ATAD1: variants seen among roughly 807,000 people sequenced by gnomAD.
ATAD1 encodes ATPase family AAA domain containing 1.
In ATAD1, 18 loss-of-function variants were observed where a neutral mutation model predicts 42.7. The ratio of observed to expected loss-of-function variants is 0.42; its 90% CI spans 0.29 to 0.63. ATAD1 has a LOEUF of 0.63. ATAD1 is among the 20% of genes least tolerant of loss of function. ATAD1 has a pLI of 0.19. For synonymous variants in ATAD1, 132 were observed against 143.1 expected (o/e 0.92, Z 0.55); for missense variants, 294 against 440.4 (o/e 0.67, Z 2.98).
In ATAD1 at chr10:87,754,146, A is replaced by G. The variant is rs190026760; in HGVS notation, c.*541T>C. 1.3e-5 allele frequency: 2 copies of G among 152,778 alleles called. No homozygotes were observed. Among genetic ancestry groups the G allele is most frequent in the East Asian group, 3.9e-4 (2 of 5,192 alleles). 9.5% of individuals were successfully genotyped at this position (152,778 alleles called of 1,614,324 possible). ...AATGACAAATGGAAATGGCTGAATC[A>G]CTGTACCTTTTTGACACAACCTTAA... On this transcript the variant is annotated 3_prime_UTR_variant, in exon 10 of 10. Transcript: ENST00000680024.
chr10:87,787,774 T>A (rs1254944265), intron 4 of ATAD1, among the ~76,000 whole-genome samples: 1 of 152,204 alleles, frequency 6.6e-6, no homozygotes. Context: ...AAAATACACA[T>A]CTATATAAAT....
chr10:87,776,636 T>C (rs1228118761), intron 5 of ATAD1, among the ~76,000 whole-genome samples: 7 of 149,902 alleles, frequency 4.7e-5, no homozygotes, highest in Non-Finnish European at 3.0e-5. Context: ...GCGGAGCTAA[T>C]TTTTTTTTTA....
At chr10:87,787,542 C>T (rs1434721267) in intron 4 of ATAD1, among the ~76,000 whole-genome samples, 1 of 152,076 alleles carries the variant, frequency 6.6e-6, no homozygotes, top group African/African-American at 2.4e-5. Context: ...TCATTTGAGC[C>T]CAGGAGGCTG....
At chr10:87,824,092 A>C (rs1857680913) in intron 1 of ATAD1, among the ~76,000 whole-genome samples, 1 of 152,190 alleles carries the variant, frequency 6.6e-6, no homozygotes. Context: ...TTATTCTCCT[A>C]TAATATATTA....
chr10:87,781,954 T>C (rs200766763), intron 5 of ATAD1, among the ~76,000 whole-genome samples: 1 of 52,370 alleles, frequency 1.9e-5, no homozygotes, highest in Non-Finnish European at 3.4e-5. Context: ...CTGAGAATTG[T>C]TTTTTTTTTT....
chr10:87,766,854 G>A (rs968470686), intron 8 of ATAD1, among the ~76,000 whole-genome samples: 6 of 151,232 alleles, frequency 4.0e-5, no homozygotes, highest in African/African-American at 1.5e-4. Context: ...CAGGAAAAAA[G>A]AGAAGATTTT....
At chr10:87,777,554 T>C (rs1030319128) in intron 5 of ATAD1, among the ~76,000 whole-genome samples, 37 of 152,034 alleles carry the variant, frequency 2.4e-4, no homozygotes, top group Admixed American at 1.3e-4. Context: ...AAAACAATTT[T>C]ATTTTAGAAT....
At chr10:87,810,817 G>T (rs1857143275) in intron 2 of ATAD1, among the ~76,000 whole-genome samples, 1 of 152,056 alleles carries the variant, frequency 6.6e-6, no homozygotes, top group Non-Finnish European at 1.5e-5. Context: ...ACTACAGATA[G>T]CCTTTTGGGG....
intron 2 of ATAD1, among the ~76,000 whole-genome samples, chr10:87,798,752 T>A (rs1856537953): frequency 6.6e-6 from 1 of 152,134 alleles, no homozygotes; most frequent in Non-Finnish European, 1.5e-5. Flanking sequence ...TTTCTTTCCA[T>A]ACTTTATGGT....
rs189457596 is a variant in ATAD1, at chr10:87,814,574, C to T, written c.26G>A (p.Arg9His). MVHAEAFS[R>H]PLSRNEVVGL... Reference sequence around the variant, plus strand: ...AACAACTTCATTCCGACTCAAAGGACGAGAAAAGGCTTCAGCATGTACCAT... The same window carrying T: ...AACAACTTCATTCCGACTCAAAGGATGAGAAAAGGCTTCAGCATGTACCAT... Residue 9 changes from arginine (R) to histidine (H), a missense_variant, in exon 2 of 10, where the codon CGT (arginine) becomes CAT (histidine). By Grantham distance (29) the Arg-to-His change is conservative. This residue lies in a region of ATAD1 where 121 missense variants were observed against 187.3 expected (regional missense o/e 0.65). Transcript: ENST00000680024. 4.1e-5 allele frequency: 66 copies of T among 1,609,812 alleles called. No homozygotes were observed. The highest frequency in any genetic ancestry group is 2.2e-4 in the East Asian group (10 of 44,616).
chr10:87,823,194 G>A (rs1475496888), upstream of ATAD1, among the ~76,000 whole-genome samples: 5 of 151,650 alleles, frequency 3.3e-5, no homozygotes. Flanking sequence ...TTAAATGAGT[G>A]TATATAAAAA....
chr10:87,839,015 A>G (rs548273801), intron 1 of ATAD1, among the ~76,000 whole-genome samples: 5 of 152,276 alleles, frequency 3.3e-5, no homozygotes, highest in African/African-American at 4.8e-5. Context: ...CAATTCAGTC[A>G]CTACTTTTCT....
At chr10:87,786,797 T>A (rs778164538) in intron 4 of ATAD1, among the ~76,000 whole-genome samples, 1 of 151,732 alleles carries the variant, frequency 6.6e-6, no homozygotes, top group Admixed American at 6.6e-5. Context: ...TCTACCAAAA[T>A]ATAAAAAATT....
At position 87,817,798 on chromosome 10, in the gene ATAD1, G is replaced by A. The variant is rs535800360; in HGVS notation, c.-14+369C>T. The A allele has an allele frequency of 6.9e-5, 68 of 985,454 alleles. No individual in the cohort carries two copies. The African/African-American group carries it at 1.1e-3, about 16-fold the overall frequency. The allele number at this position is 985,454 out of a possible 1,614,324, so 61.0% of individuals were successfully genotyped here. On this transcript the variant is annotated intron_variant, in intron 1 of 9. Transcript: ENST00000680024. ...CGCGCCTGTGCGACAATCAGACCTG[G>A]TTCATTCCAGCCGCCTTCGTCTAGG...
chr10:87,815,991 T>C (rs1001983437), intron 1 of ATAD1, among the ~76,000 whole-genome samples: 2 of 152,134 alleles, frequency 1.3e-5, no homozygotes, highest in Non-Finnish European at 1.5e-5. Context: ...CTAGGATTAG[T>C]CAAATTCTAT....
intron 4 of ATAD1, among the ~76,000 whole-genome samples, chr10:87,788,452 G>A (rs1327705954): frequency 6.6e-6 from 1 of 152,118 alleles, no homozygotes; most frequent in Non-Finnish European, 1.5e-5. Flanking sequence ...ATTAAAAATT[G>A]TCCAGACATA....
chr10:87,820,114 C>CA (rs1857603049), upstream of ATAD1, among the ~76,000 whole-genome samples: 1 of 151,838 alleles, frequency 6.6e-6, no homozygotes, highest in Non-Finnish European at 1.5e-5. Flanking sequence ...ACAACAACAA[C>CA]AAAAAACAGA....
intron 3 of ATAD1, 143 bp from the exon 4 acceptor site, chr10:87,790,573 T>C (rs900775211): frequency 3.5e-6 from 3 of 856,184 alleles, no homozygotes; most frequent in Non-Finnish European, 4.9e-6. Flanking sequence ...GTAAAGACTT[T>C]TCCAAGCAGT....
chr10:87,773,573 C>T lies in ATAD1; in HGVS notation c.691-2532G>A, dbSNP rs573893797. 6.1e-4 allele frequency among the ~76,000 whole-genome samples: 93 copies of T among 152,138 alleles called. 1 individual carries two copies. Among genetic ancestry groups the T allele is most frequent in the African/African-American group, 2.2e-3 (90 of 41,510 alleles). ...AATACAATAAAGGTTAAAAAGTGACCGCAGTTTAATAAAAAGGCAGCAGCA... is the reference window on the plus strand; with the variant it reads ...AATACAATAAAGGTTAAAAAGTGACTGCAGTTTAATAAAAAGGCAGCAGCA... On this transcript the variant is annotated intron_variant, in intron 6 of 9. Transcript: ENST00000680024.
Sources: allele counts gnomAD v4.1 joint callset (sites outside exome capture counted in the v4.1 genomes callset), GRCh38; gene constraint gnomAD v4.1.1; regional missense constraint gnomAD v4.1.1; transcripts MANE v1.5; gene names NCBI Gene and HGNC (gene_info 2026-07-23, HGNC 2026-07-21).